KCTD8: variants seen among roughly 807,000 people sequenced by gnomAD.
KCTD8 encodes the protein BTB/POZ domain-containing protein KCTD8.
Under a neutral mutation model 31.5 loss-of-function variants are expected in KCTD8, and 27 were observed. That is an observed-to-expected ratio of 0.86 (90% CI 0.63 to 1.18). The LOEUF (loss-of-function observed/expected upper bound fraction) is 1.18. Ranked by LOEUF, KCTD8 falls within the 50% of genes most tolerant of loss-of-function variation. The pLI is 0.00. For synonymous variants in KCTD8, 290 were observed against 280.0 expected (o/e 1.04, Z -0.36); for missense variants, 658 against 647.7 (o/e 1.02, Z -0.17).
At chr4:44,390,653 G>T (rs1003493090) in intron 1 of KCTD8, among the ~76,000 whole-genome samples, 1 of 151,800 alleles carries the variant, frequency 6.6e-6, no homozygotes, top group Non-Finnish European at 1.5e-5. Context: ...TTTTAGGATT[G>T]TTTTTTCTAG....
At chr4:44,207,462 C>T (rs1461853064) in intron 1 of KCTD8, among the ~76,000 whole-genome samples, 5 of 152,112 alleles carry the variant, frequency 3.3e-5, no homozygotes, top group African/African-American at 1.2e-4. Context: ...ATAATAAAAG[C>T]TCCAGCACTG....
At chr4:44,299,917 A>C (rs1318589445) in intron 1 of KCTD8, among the ~76,000 whole-genome samples, 1 of 151,534 alleles carries the variant, frequency 6.6e-6, no homozygotes, top group Non-Finnish European at 1.5e-5. Flanking sequence ...ACGCCCGGCT[A>C]ATTTTTTGTA....
chr4:44,362,155 A>G (rs1013173779), intron 1 of KCTD8, among the ~76,000 whole-genome samples: 1 of 152,138 alleles, frequency 6.6e-6, no homozygotes, highest in Non-Finnish European at 1.5e-5. Context: ...AGGATAGAAA[A>G]GTTCTGAGCA....
intron 1 of KCTD8, among the ~76,000 whole-genome samples, chr4:44,369,743 A>C (rs1577640352): frequency 6.6e-6 from 1 of 152,094 alleles, no homozygotes; most frequent in South Asian, 2.1e-4. Context: ...GGCTGCAGTG[A>C]GCCAAGATTG....
chr4:44,198,916 C>T (rs1714032989), intron 1 of KCTD8, among the ~76,000 whole-genome samples: 1 of 152,094 alleles, frequency 6.6e-6, no homozygotes, highest in Admixed American at 6.5e-5. Context: ...AAACCCATCT[C>T]ACATGTAATG....
chr4:44,217,204 T>C (rs1325648894), intron 1 of KCTD8, among the ~76,000 whole-genome samples: 1 of 152,094 alleles, frequency 6.6e-6, no homozygotes, highest in African/African-American at 2.4e-5. Context: ...AATTAGAAAT[T>C]CCAGTTGGCA....
chr4:44,317,972 C>T (rs181915856), intron 1 of KCTD8, among the ~76,000 whole-genome samples: 40 of 152,278 alleles, frequency 2.6e-4, no homozygotes, highest in Non-Finnish European at 4.4e-5. Context: ...TCAGATGTTT[C>T]TAAAGGCATT....
intron 1 of KCTD8, among the ~76,000 whole-genome samples, chr4:44,251,601 T>C (rs1428993725): frequency 1.3e-5 from 2 of 151,618 alleles, no homozygotes; most frequent in East Asian, 3.9e-4. Context: ...TAAAGTTACA[T>C]TTTCTAATTA....
intron 1 of KCTD8, among the ~76,000 whole-genome samples, chr4:44,197,757 G>C (rs1025327302): frequency 1.3e-5 from 2 of 152,122 alleles, no homozygotes; most frequent in Non-Finnish European, 2.9e-5. Context: ...AAGCCAGTGT[G>C]TCCCCCTAAC....
At chr4:44,336,143 C>A (rs1411020515) in intron 1 of KCTD8, among the ~76,000 whole-genome samples, 2 of 92,624 alleles carry the variant, frequency 2.2e-5, no homozygotes. Flanking sequence ...GAGCGAGACT[C>A]CGTCTCAAAA....
intron 1 of KCTD8, among the ~76,000 whole-genome samples, chr4:44,336,629 A>C (rs1201227388): frequency 1.3e-5 from 2 of 152,162 alleles, no homozygotes; most frequent in East Asian, 3.8e-4. Context: ...ATAAACTGAA[A>C]AACAAAAAAT....
intron 1 of KCTD8, among the ~76,000 whole-genome samples, chr4:44,208,092 T>A (rs1714371917): frequency 6.6e-6 from 1 of 152,112 alleles, no homozygotes; most frequent in African/African-American, 2.4e-5. Flanking sequence ...TCCACCACAG[T>A]TTTCCTCTTT....
At chr4:44,427,817 T>C (rs1349294175) in intron 1 of KCTD8, among the ~76,000 whole-genome samples, 5 of 151,732 alleles carry the variant, frequency 3.3e-5, no homozygotes, top group Admixed American at 2.6e-4. Context: ...ACAGCATACA[T>C]TAAATAGACA....
chr4:44,175,443 G>T (rs1231783142), intron 1 of KCTD8, among the ~76,000 whole-genome samples, 193 bp from the exon 2 acceptor site: 1 of 152,134 alleles, frequency 6.6e-6, no homozygotes, highest in Non-Finnish European at 1.5e-5. Context: ...ATTGAAAGAT[G>T]CAGTATGCTG....
At chr4:44,369,846 G>A (rs1719738177) in intron 1 of KCTD8, among the ~76,000 whole-genome samples, 1 of 151,812 alleles carries the variant, frequency 6.6e-6, no homozygotes, top group Admixed American at 6.6e-5. Context: ...TACAGTAATA[G>A]ATGGACACAA....
chr4:44,415,098 T>C (rs1721042816), intron 1 of KCTD8, among the ~76,000 whole-genome samples: 1 of 152,156 alleles, frequency 6.6e-6, no homozygotes, highest in South Asian at 2.1e-4. Context: ...GTAAAGGTCA[T>C]CCATGTTATG....
chr4:44,378,418 C>A (rs1003721056), intron 1 of KCTD8, among the ~76,000 whole-genome samples: 21 of 151,184 alleles, frequency 1.4e-4, no homozygotes, highest in African/African-American at 4.6e-4. Context: ...ATGTAACAAA[C>A]CTGCACGTTG....
rs760604321 is a variant in KCTD8 at position 44,175,097 on chromosome 4, T to C, written c.1115A>G (p.Asn372Ser). Reference sequence around the variant, plus strand: ...TGTTGCCTGCTGGGCACTGGATGGGTTGTCCTGGGGAGTGCTTGCCTCTGA... The same window carrying C: ...TGTTGCCTGCTGGGCACTGGATGGGCTGTCCTGGGGAGTGCTTGCCTCTGA... ...SHSEASTPQD[N>S]PSSAQQATAH... Residue 372 changes from asparagine to serine, a missense_variant, in exon 2 of 2, where the codon AAC becomes AGC. Physicochemically the swap from Asn to Ser is conservative, Grantham distance 46. Coordinates refer to ENST00000360029, the MANE Select transcript of KCTD8 (RefSeq NM_198353.3). 2.7e-5 allele frequency: 43 copies of C among 1,613,922 alleles called. 1 individual carries two copies. The highest frequency in any genetic ancestry group is 3.5e-5 in the Non-Finnish European group (41 of 1,179,976).
intron 1 of KCTD8, among the ~76,000 whole-genome samples, chr4:44,369,971 T>G (rs1719741000): frequency 6.6e-6 from 1 of 152,172 alleles, no homozygotes; most frequent in Non-Finnish European, 1.5e-5. Context: ...CTTGACACAT[T>G]TCTTGAATTA....
Sources: allele counts gnomAD v4.1 joint callset (sites outside exome capture counted in the v4.1 genomes callset), GRCh38; gene constraint gnomAD v4.1.1; transcripts MANE v1.5; gene names NCBI Gene and HGNC (gene_info 2026-07-23, HGNC 2026-07-21).